Variants in SLC25A48 observed in about 807,000 individuals in gnomAD.
SLC25A48 encodes solute carrier family 25 member 48.
In SLC25A48, 29 loss-of-function variants were observed where a neutral mutation model predicts 32.2. The ratio of observed to expected loss-of-function variants is 0.90; its 90% CI spans 0.67 to 1.23. SLC25A48 has a LOEUF of 1.23. SLC25A48 is among the 50% of genes most tolerant of loss of function. The pLI is 0.00. For missense variants in SLC25A48, 399 were observed against 422.7 expected (o/e 0.94, Z 0.49); for synonymous variants, 164 against 172.3 (o/e 0.95, Z 0.38).
intron 4 of SLC25A48, among the ~76,000 whole-genome samples, chr5:135,869,408 C>A (rs189237304): frequency 7.8e-4 from 119 of 152,226 alleles, no homozygotes; most frequent in African/African-American, 2.5e-3. Flanking sequence ...TTGCTTACTC[C>A]GCAGGGAAAA....
chr5:135,818,789 A>T (rs1422633628), intron 4 of SLC25A48, among the ~76,000 whole-genome samples: 1 of 152,220 alleles, frequency 6.6e-6, no homozygotes, highest in Non-Finnish European at 1.5e-5. Flanking sequence ...ATCATCAAAG[A>T]CTTCAAAATG....
At position 135,698,513 on chromosome 5, in the gene SLC25A48, C is replaced by A. The variant is rs1029978162; in HGVS notation, c.-521+63557C>A. ...TTGAGTGTTTCCTTATGGCTCTGAG[C>A]AACCACTACAGTTTTTAAAAATAAT... On this transcript the variant is annotated intron_variant, in intron 3 of 10. Transcript: ENST00000646290. Among the ~76,000 whole-genome samples the A allele has an allele frequency of 3.3e-5, 5 of 152,062 alleles. No individual in the cohort carries two copies. The South Asian group carries it at 6.2e-4, about 19-fold the overall frequency.
intron 1 of SLC25A48, among the ~76,000 whole-genome samples, chr5:135,604,217 A>C (rs1444108301): frequency 1.3e-5 from 2 of 152,204 alleles, no homozygotes; most frequent in Admixed American, 1.3e-4. Context: ...CTTGTGGATG[A>C]GGCACAGGTA....
At chr5:135,807,230 A>G (rs889711587) in intron 3 of SLC25A48, among the ~76,000 whole-genome samples, 1 of 150,730 alleles carries the variant, frequency 6.6e-6, no homozygotes, top group African/African-American at 2.4e-5. Context: ...TATAAATATC[A>G]TGGCTATTTC....
chr5:135,874,207 A>T, intron 6 of SLC25A48, 53 bp downstream of exon 6: 1 of 1,399,488 alleles, frequency 7.1e-7, no homozygotes, highest in Non-Finnish European at 9.2e-7. Context: ...AAGGTGGTTC[A>T]CACATTTAGG....
chr5:135,623,875 ACTG>A (rs1267849799), intron 1 of SLC25A48, among the ~76,000 whole-genome samples: 1 of 152,154 alleles, frequency 6.6e-6, no homozygotes, highest in Non-Finnish European at 1.5e-5. Context: ...CATCATTATT[ACTG>A]CTGCTGCTGT....
chr5:135,676,138 A>T (rs1267573761), intron 3 of SLC25A48, among the ~76,000 whole-genome samples: 1 of 151,770 alleles, frequency 6.6e-6, no homozygotes, highest in Non-Finnish European at 1.5e-5. Flanking sequence ...GGATCATATC[A>T]TCTGTAAAGG....
intron 3 of SLC25A48, among the ~76,000 whole-genome samples, chr5:135,761,733 A>G (rs1756065317): frequency 6.6e-6 from 1 of 152,202 alleles, no homozygotes; most frequent in Non-Finnish European, 1.5e-5. Context: ...GAAATGCCAG[A>G]TGGCTGGCAG....
chr5:135,606,415 C>G (rs1016833103), intron 1 of SLC25A48, among the ~76,000 whole-genome samples: 3 of 152,206 alleles, frequency 2.0e-5, no homozygotes, highest in African/African-American at 7.2e-5. Flanking sequence ...TTTTAATCCT[C>G]TAAGTGGACA....
intron 7 of SLC25A48, chr5:135,883,106 C>T (rs1762592561): frequency 1.0e-6 from 1 of 985,340 alleles, no homozygotes; most frequent in Non-Finnish European, 1.2e-6. Context: ...GTCTGCAGAA[C>T]CCATGATGTG....
At chr5:135,639,019 T>A (rs2126914722) in intron 3 of SLC25A48, among the ~76,000 whole-genome samples, 1 of 152,336 alleles carries the variant, frequency 6.6e-6, no homozygotes, top group African/African-American at 2.4e-5. Flanking sequence ...CATTTTAAAT[T>A]GAATTTTCAA....
intron 1 of SLC25A48, among the ~76,000 whole-genome samples, chr5:135,591,045 G>A (rs925953375): frequency 2.6e-5 from 4 of 152,206 alleles, no homozygotes; most frequent in Admixed American, 2.0e-4. Context: ...TGGCACTCAG[G>A]TAGGAGCCTC....
At chr5:135,764,236 C>T (rs1370046258) in intron 3 of SLC25A48, among the ~76,000 whole-genome samples, 1 of 151,924 alleles carries the variant, frequency 6.6e-6, no homozygotes, top group Non-Finnish European at 1.5e-5. Flanking sequence ...GGTGATGTTA[C>T]TCCCCATATC....
intron 3 of SLC25A48, among the ~76,000 whole-genome samples, chr5:135,795,782 G>A (rs996379161): frequency 6.6e-6 from 1 of 150,988 alleles, no homozygotes; most frequent in Admixed American, 6.6e-5. Context: ...TATCACTGGT[G>A]GTGTAGACTC....
Position 135,724,621 on chromosome 5 carries a change from T to G in SLC25A48, c.-520-87902T>G, listed in dbSNP as rs1057142669. 6.6e-5 allele frequency among the ~76,000 whole-genome samples: 10 copies of G among 152,334 alleles called. No individual in the cohort carries two copies. In the East Asian group the frequency reaches 1.9e-3, roughly 29 times the overall value. On this transcript the variant is annotated intron_variant, in intron 3 of 10. Transcript: ENST00000646290. ...CTTAGAGGCCTGTGTCTGGCAGAAG[T>G]TGGGGCCCAGAGACAGGAAAAGCCT...
chr5:135,771,962 G>A (rs888800518), intron 3 of SLC25A48, among the ~76,000 whole-genome samples: 2 of 150,418 alleles, frequency 1.3e-5, no homozygotes, highest in African/African-American at 2.4e-5. Context: ...ATATACAGGG[G>A]CAAAGAGGGT....
At chr5:135,680,641 G>A (rs908527639) in intron 3 of SLC25A48, among the ~76,000 whole-genome samples, 1 of 152,100 alleles carries the variant, frequency 6.6e-6, no homozygotes, top group African/African-American at 2.4e-5. Context: ...GTGTGTGAAG[G>A]GGAACTGCCT....
At chr5:135,710,709 A>C (rs762196961) in intron 3 of SLC25A48, among the ~76,000 whole-genome samples, 8 of 152,250 alleles carry the variant, frequency 5.3e-5, no homozygotes, top group Non-Finnish European at 1.0e-4. Flanking sequence ...AGCTCAGTGA[A>C]TGTAACCTCA....
chr5:135,770,489 A>G (rs1418223136), intron 3 of SLC25A48, among the ~76,000 whole-genome samples: 1 of 151,538 alleles, frequency 6.6e-6, no homozygotes, highest in Non-Finnish European at 1.5e-5. Context: ...ATTACTTTCA[A>G]TGTCGCCGAG....
Sources: allele counts gnomAD v4.1 joint callset (sites outside exome capture counted in the v4.1 genomes callset), GRCh38; gene constraint gnomAD v4.1.1; transcripts MANE v1.5; gene names NCBI Gene and HGNC (gene_info 2026-07-23, HGNC 2026-07-21).